Variants in LRRC4C observed in about 807,000 individuals in gnomAD.
The protein encoded by LRRC4C is leucine-rich repeat-containing protein 4C.
A neutral mutation model predicts 33.6 loss-of-function variants in LRRC4C; 5 were observed. That is an observed-to-expected ratio of 0.15 (90% CI 0.08 to 0.31). The LOEUF is 0.31. Among genes scored for constraint, LRRC4C ranks in the 10% least tolerant of loss-of-function variants. The pLI, the probability that LRRC4C is intolerant of heterozygous loss-of-function variation, is 1.00. For synonymous variants in LRRC4C, 329 were observed against 302.0 expected, an observed-to-expected ratio of 1.09 and a Z score of -0.93; for missense variants, 560 against 796.7, an observed-to-expected ratio of 0.70 and a Z score of 3.58.
intron 2 of LRRC4C, among the ~76,000 whole-genome samples, chr11:40,721,265 T>C (rs1461513953): frequency 6.6e-6 from 1 of 152,134 alleles, no homozygotes; most frequent in Non-Finnish European, 1.5e-5. Flanking sequence ...AGGGCCCTCA[T>C]TAGAAGAAGC....
At chr11:41,101,094 G>T (rs1474947779) in intron 1 of LRRC4C, among the ~76,000 whole-genome samples, 1 of 152,064 alleles carries the variant, frequency 6.6e-6, no homozygotes, top group Admixed American at 6.6e-5. Context: ...AGAGGAACTG[G>T]CAAAGATTTC....
chr11:40,909,532 T>A (rs191337327), intron 2 of LRRC4C, among the ~76,000 whole-genome samples: 1 of 152,238 alleles, frequency 6.6e-6, no homozygotes, highest in East Asian at 1.9e-4. Context: ...TTTAGGGTGG[T>A]ATATTCACAG....
intron 1 of LRRC4C, among the ~76,000 whole-genome samples, chr11:41,203,926 TA>T (rs1212475258): frequency 6.6e-6 from 1 of 152,194 alleles, no homozygotes. Flanking sequence ...TTATGAAAAG[TA>T]GAAGGTATTT....
At chr11:41,396,127 G>T (rs750317329) in intron 1 of LRRC4C, among the ~76,000 whole-genome samples, 1 of 151,920 alleles carries the variant, frequency 6.6e-6, no homozygotes, top group Non-Finnish European at 1.5e-5. Flanking sequence ...GTGGCCCAGG[G>T]AAGCCAAAAG....
At chr11:40,325,967 C>G (rs894224927) in intron 3 of LRRC4C, among the ~76,000 whole-genome samples, 1 of 150,790 alleles carries the variant, frequency 6.6e-6, no homozygotes, top group Admixed American at 6.6e-5. Flanking sequence ...AAAGCTTGAT[C>G]TGTAACTGGT....
intron 2 of LRRC4C, among the ~76,000 whole-genome samples, chr11:40,726,710 C>T (rs1947305918): frequency 6.6e-6 from 1 of 151,980 alleles, no homozygotes; most frequent in South Asian, 2.1e-4. Context: ...ACAAAGATGC[C>T]CACCCTCCAT....
At chr11:41,046,114 C>G (rs1054149225) in intron 1 of LRRC4C, among the ~76,000 whole-genome samples, 15 of 152,172 alleles carry the variant, frequency 9.9e-5, no homozygotes, top group African/African-American at 3.4e-4. Context: ...AGCTTGTATG[C>G]TTAATTTTTT....
intron 1 of LRRC4C, among the ~76,000 whole-genome samples, chr11:41,097,343 A>C (rs1359766083): frequency 6.6e-6 from 1 of 152,206 alleles, no homozygotes; most frequent in Non-Finnish European, 1.5e-5. Flanking sequence ...CCTAAATGCC[A>C]ATCCAGTAGG....
chr11:40,338,373 G>A (rs376111196), intron 3 of LRRC4C, among the ~76,000 whole-genome samples: 4 of 152,182 alleles, frequency 2.6e-5, no homozygotes, highest in African/African-American at 9.6e-5. Context: ...TTATGCATAT[G>A]ACTCTCCATG....
At position 40,908,836 on chromosome 11, in the gene LRRC4C, C is replaced by T. The variant is rs527516221; in HGVS notation, c.-407+24799G>A. 3.3e-5 allele frequency among the ~76,000 whole-genome samples: 5 copies of T among 152,266 alleles called. No individual in the cohort carries two copies. In the South Asian group the frequency reaches 6.2e-4, roughly 19 times the overall value. On this transcript the variant is annotated intron_variant, in intron 2 of 6. Transcript: ENST00000528697. The stretch of plus-strand genomic sequence containing the variant: ...ATTTACAGGTGGTAAACTCTGCAAT[C>T]TGACAATTTACATGTTAATGTGCTA...
At chr11:41,112,845 A>G (rs1270730703) in intron 1 of LRRC4C, among the ~76,000 whole-genome samples, 1 of 152,098 alleles carries the variant, frequency 6.6e-6, no homozygotes, top group Non-Finnish European at 1.5e-5. Flanking sequence ...GATTTTCACT[A>G]ATGTGGTAGA....
intron 1 of LRRC4C, among the ~76,000 whole-genome samples, chr11:41,401,474 AG>A (rs146744981): frequency 0.25 from 37,489 of 151,748 alleles, 5,708 homozygotes; most frequent in Admixed American, 0.36. Context: ...GCATAACTAA[AG>A]CAAGGTCCTG....
intron 4 of LRRC4C, among the ~76,000 whole-genome samples, chr11:40,244,601 C>T (rs1866179196): frequency 6.6e-6 from 1 of 152,202 alleles, no homozygotes; most frequent in Non-Finnish European, 1.5e-5. Flanking sequence ...GTCATCCACA[C>T]TTCCTTATGT....
chr11:40,178,944 C>T (rs1260505695), intron 5 of LRRC4C, among the ~76,000 whole-genome samples: 1 of 152,068 alleles, frequency 6.6e-6, no homozygotes, highest in Non-Finnish European at 1.5e-5. Flanking sequence ...TGTTTTGACT[C>T]TTGTGGTTCA....
intron 1 of LRRC4C, among the ~76,000 whole-genome samples, chr11:41,402,381 C>T (rs1159932947): frequency 6.6e-6 from 1 of 151,982 alleles, no homozygotes; most frequent in Non-Finnish European, 1.5e-5. Context: ...AAGGTTTCTA[C>T]TGGTATGGTT....
intron 4 of LRRC4C, among the ~76,000 whole-genome samples, chr11:40,260,706 G>C (rs1487861079): frequency 6.6e-6 from 1 of 152,102 alleles, no homozygotes; most frequent in African/African-American, 2.4e-5. Context: ...ATTATCATCA[G>C]AAAATAACAT....
At chr11:40,598,686 A>C (rs996495333) in intron 3 of LRRC4C, among the ~76,000 whole-genome samples, 3 of 152,162 alleles carry the variant, frequency 2.0e-5, no homozygotes, top group Non-Finnish European at 4.4e-5. Flanking sequence ...TACCAGAATT[A>C]AGGCCTTTTT....
chr11:40,548,796 A>G (rs894882289), intron 3 of LRRC4C, among the ~76,000 whole-genome samples: 5 of 152,112 alleles, frequency 3.3e-5, no homozygotes, highest in Non-Finnish European at 7.4e-5. Context: ...CAACAACCCT[A>G]TGTAATAAAT....
chr11:40,820,135 C>A (rs1194925428), intron 2 of LRRC4C, among the ~76,000 whole-genome samples: 1 of 151,710 alleles, frequency 6.6e-6, no homozygotes, highest in Non-Finnish European at 1.5e-5. Flanking sequence ...AAAGTAACAG[C>A]CATATTAAAG....
Sources: allele counts gnomAD v4.1 joint callset (sites outside exome capture counted in the v4.1 genomes callset), GRCh38; gene constraint gnomAD v4.1.1; transcripts MANE v1.5; gene names NCBI Gene and HGNC (gene_info 2026-07-23, HGNC 2026-07-21).